ANO4: variants seen among roughly 807,000 people sequenced by gnomAD.
ANO4 encodes the protein anoctamin 4, also known as anoctamin-4.
ANO4 carries 69 observed loss-of-function variants against 141.9 expected under a neutral mutation model. That is an observed-to-expected ratio of 0.49 (90% CI 0.40 to 0.59). The LOEUF (loss-of-function observed/expected upper bound fraction) is 0.59, where lower values mean the gene tolerates loss of function less well. Among genes scored for constraint, ANO4 ranks in the 20% least tolerant of loss-of-function variants. ANO4 has a pLI of 0.00. For synonymous variants in ANO4, 350 were observed against 394.3 expected, an observed-to-expected ratio of 0.89 and a Z score of 1.33; for missense variants, 894 against 1,162.2, an observed-to-expected ratio of 0.77 and a Z score of 3.36.
intron 5 of ANO4, among the ~76,000 whole-genome samples, chr12:100,944,390 A>G (rs765105807): frequency 2.6e-4 from 39 of 152,202 alleles, no homozygotes; most frequent in Non-Finnish European, 5.6e-4. Context: ...AAAAATTTTA[A>G]CAGGTATTTA....
intron 1 of ANO4, among the ~76,000 whole-genome samples, chr12:100,826,149 G>A (rs553122201): frequency 1.2e-3 from 183 of 152,066 alleles, no homozygotes; most frequent in African/African-American, 4.3e-3. Context: ...TGGGAAAGGA[G>A]CAATATTTAT....
At chr12:101,122,163 T>C (rs2051123929) in intron 26 of ANO4, among the ~76,000 whole-genome samples, 1 of 152,198 alleles carries the variant, frequency 6.6e-6, no homozygotes, top group South Asian at 2.1e-4. Flanking sequence ...TTTTTCATAT[T>C]ATTGTTGTCT....
intron 22 of ANO4, among the ~76,000 whole-genome samples, chr12:101,106,426 T>C (rs2050442889): frequency 2.6e-5 from 4 of 151,984 alleles, no homozygotes; most frequent in Admixed American, 1.3e-4. Flanking sequence ...TAGATCAAGA[T>C]AATATCTCAA....
At chr12:100,992,215 A>G (rs892096824) in intron 8 of ANO4, among the ~76,000 whole-genome samples, 1 of 152,188 alleles carries the variant, frequency 6.6e-6, no homozygotes, top group Non-Finnish European at 1.5e-5. Flanking sequence ...GCATCTAATC[A>G]TGTCACTTCA....
At chr12:101,099,880 CA>C (rs2050127121) in intron 22 of ANO4, among the ~76,000 whole-genome samples, 160 bp downstream of exon 22, 1 of 152,184 alleles carries the variant, frequency 6.6e-6, no homozygotes, top group Non-Finnish European at 1.5e-5. Flanking sequence ...GCTACACTTA[CA>C]TTTAAGGAAT....
chr12:101,083,747 C>T lies in ANO4; in HGVS notation c.1465C>T (p.Pro489Ser), dbSNP rs746618331. The T allele has an allele frequency of 1.9e-6, 3 of 1,606,376 alleles. No homozygotes were observed. The highest frequency in any genetic ancestry group is 1.7e-5 in the Admixed American group (1 of 57,516). ...KERMNPISGK[P>S]EPYQAFTDKC... ...GCGGATGAATCCAATTTCTGGAAAG[C>T]CAGAACCTTATCAAGCATTTACAGA... is the stretch of plus-strand genomic sequence containing the variant. The change falls in exon 16 of 28, where the codon CCA becomes TCA. Residue 489 changes from proline to serine, a missense_variant. Physicochemically the swap from Pro to Ser is moderately conservative, Grantham distance 74 (BLOSUM62 -1). This residue lies in a region of ANO4 where 637 missense variants were observed against 909.2 expected (regional missense o/e 0.70). Coordinates refer to ENST00000392977, the MANE Select transcript of ANO4 (RefSeq NM_001286615.2).
intron 1 of ANO4, among the ~76,000 whole-genome samples, chr12:100,820,672 A>G (rs968625144): frequency 6.6e-6 from 1 of 152,072 alleles, no homozygotes; most frequent in African/African-American, 2.4e-5. Flanking sequence ...GTGCATAGGC[A>G]AAATGTAAGC....
chr12:100,944,779 C>G (rs562037703), intron 5 of ANO4, among the ~76,000 whole-genome samples: 1 of 152,260 alleles, frequency 6.6e-6, no homozygotes, highest in East Asian at 1.9e-4. Flanking sequence ...TAATTTTTCC[C>G]TGCCATAAAT....
chr12:100,730,664 T>G (rs2031345032), intron 1 of ANO4, among the ~76,000 whole-genome samples: 1 of 152,118 alleles, frequency 6.6e-6, no homozygotes, highest in African/African-American at 2.4e-5. Flanking sequence ...AAGCTCATGG[T>G]TGAGGAGATG....
At chr12:100,838,354 C>T (rs890599572) in intron 1 of ANO4, among the ~76,000 whole-genome samples, 2 of 151,852 alleles carry the variant, frequency 1.3e-5, no homozygotes, top group Non-Finnish European at 2.9e-5. Flanking sequence ...GACTGAGCCT[C>T]AAGGTTTGTT....
At chr12:100,940,494 C>T (rs1448791268) in intron 4 of ANO4, among the ~76,000 whole-genome samples, 1 of 152,192 alleles carries the variant, frequency 6.6e-6, no homozygotes. Flanking sequence ...GGACAGCCTT[C>T]TTGCTTGGCA....
intron 1 of ANO4, among the ~76,000 whole-genome samples, chr12:100,813,292 A>G (rs1188054178): frequency 6.6e-6 from 1 of 152,176 alleles, no homozygotes; most frequent in East Asian, 1.9e-4. Flanking sequence ...GTTATTGCTC[A>G]GACAAATGGG....
At chr12:101,024,595 C>CA (rs10713446) in intron 9 of ANO4, among the ~76,000 whole-genome samples, 22,964 of 144,936 alleles carry the variant, frequency 0.16, 1,994 homozygotes, top group East Asian at 0.25. Flanking sequence ...GACTCTGTCT[C>CA]AAAAAAAAAA....
chr12:100,741,289 A>G (rs1224366934), intron 3 of ANO4, among the ~76,000 whole-genome samples: 1 of 151,812 alleles, frequency 6.6e-6, no homozygotes, highest in Non-Finnish European at 1.5e-5. Flanking sequence ...ACACTCAACA[A>G]TTTATAGATG....
chr12:100,971,452 T>A, intron 6 of ANO4, 46 bp downstream of exon 6: 1 of 1,338,296 alleles, frequency 7.5e-7, no homozygotes, highest in Non-Finnish European at 1.1e-6. Flanking sequence ...TGCTTCACTG[T>A]AAATCTAATG....
At chr12:100,739,726 A>T in intron 2 of ANO4, 1 of 632,912 alleles carries the variant, frequency 1.6e-6, no homozygotes, top group Non-Finnish European at 2.9e-6. Context: ...CCTGTTTATT[A>T]TGAACATGCA....
At chr12:100,740,651 T>C (rs1439415493) in intron 3 of ANO4, among the ~76,000 whole-genome samples, 1 of 152,206 alleles carries the variant, frequency 6.6e-6, no homozygotes, top group Admixed American at 6.5e-5. Context: ...CTCCACCAAA[T>C]TGATCTATTT....
chr12:101,097,120 T>C (rs1418439993), intron 19 of ANO4, among the ~76,000 whole-genome samples: 1 of 152,076 alleles, frequency 6.6e-6, no homozygotes, highest in Non-Finnish European at 1.5e-5. Context: ...TTGGGAAAGA[T>C]TCCCTGGGTA....
intron 2 of ANO4, among the ~76,000 whole-genome samples, chr12:100,919,736 G>GTATGTATGTATCTATC (rs3059277): frequency 7.3e-4 from 97 of 133,136 alleles, no homozygotes; most frequent in Non-Finnish European, 1.2e-3. Context: ...GTGTATGTAT[G>GTATGTATGTATCTATC]TATCTATCTA....
Sources: gnomAD v4.1 joint callset for allele counts (sites outside exome capture counted in the v4.1 genomes callset) on GRCh38, gnomAD v4.1.1 for gene constraint, gnomAD v4.1.1 regional missense constraint, MANE v1.5 for transcripts, NCBI Gene and HGNC (gene_info 2026-07-23, HGNC 2026-07-21) for gene names.